CHST13: variants seen among roughly 807,000 people sequenced by gnomAD.
CHST13 encodes the protein carbohydrate sulfotransferase 13.
In CHST13, 1 loss-of-function variant was observed where a neutral mutation model predicts 7.0. The observed-to-expected ratio is 0.14, with a 90% CI of 0.05 to 0.68. CHST13 has a LOEUF of 0.68. Among genes scored for constraint, CHST13 ranks in the 30% least tolerant of loss-of-function variants. The probability of loss-of-function intolerance (pLI) is 0.82; values close to 1 mark genes in which losing one functional copy is unlikely to be tolerated. For missense variants in CHST13, 572 were observed against 507.9 expected, an observed-to-expected ratio of 1.13 and a Z score of -1.21; for synonymous variants, 257 against 240.9, an observed-to-expected ratio of 1.07 and a Z score of -0.62.
At position 126,542,268 on chromosome 3, in the gene CHST13, G is replaced by T; in HGVS notation, c.716G>T (p.Arg239Leu). 3 of 1,558,758 alleles carry T rather than the reference G, an allele frequency of 1.9e-6. No individual in the cohort carries two copies. The highest frequency in any genetic ancestry group is 2.6e-6 in the Non-Finnish European group (3 of 1,158,540). Reference protein sequence around the residue: ...LAYLLDPRTRREEPFNEHWER... With the variant: ...LAYLLDPRTRLEEPFNEHWER... ...TACCTGCTGGACCCGCGCACGCGGCGTGAGGAGCCCTTCAACGAGCACTGG... is the reference window on the plus strand; with the variant it reads ...TACCTGCTGGACCCGCGCACGCGGCTTGAGGAGCCCTTCAACGAGCACTGG... The change falls in exon 3 of 3, where the codon CGT (arginine) becomes CTT (leucine). Residue 239 changes from arginine to leucine, a missense_variant. Transcript: ENST00000319340.
intron 1 of CHST13, among the ~76,000 whole-genome samples, chr3:126,524,690 G>C (rs1410745599): frequency 1.3e-5 from 2 of 152,192 alleles, no homozygotes; most frequent in Non-Finnish European, 2.9e-5. Context: ...GGTGCCTGGA[G>C]ACCGGGGTCA....
intron 2 of CHST13, among the ~76,000 whole-genome samples, chr3:126,539,266 C>T (rs1268348665): frequency 1.3e-5 from 2 of 152,112 alleles, no homozygotes; most frequent in African/African-American, 4.8e-5. Context: ...AATAATAAGT[C>T]TCCCTCCACC....
At chr3:126,540,367 G>T (rs1936932729) in intron 2 of CHST13, among the ~76,000 whole-genome samples, 1 of 152,058 alleles carries the variant, frequency 6.6e-6, no homozygotes, top group South Asian at 2.1e-4. Context: ...TCCATCAGCA[G>T]CCCAGTGTCC....
At chr3:126,538,239 G>C (rs1936840132) in intron 2 of CHST13, among the ~76,000 whole-genome samples, 1 of 152,246 alleles carries the variant, frequency 6.6e-6, no homozygotes, top group African/African-American at 2.4e-5. Context: ...GCAGCAGCCA[G>C]CTGCCCACCA....
intron 1 of CHST13, among the ~76,000 whole-genome samples, chr3:126,528,521 G>C (rs970607239): frequency 8.5e-5 from 13 of 152,178 alleles, no homozygotes; most frequent in Admixed American, 7.8e-4. Flanking sequence ...TGGGTTTAGA[G>C]ATCACCAAGG....
chr3:126,536,788 G>A (rs1315360812), intron 2 of CHST13, among the ~76,000 whole-genome samples: 1 of 151,312 alleles, frequency 6.6e-6, no homozygotes, highest in Non-Finnish European at 1.5e-5. Context: ...CTTCAGCTGG[G>A]GGCCTGCAGG....
rs776529195 is a variant in CHST13 at position 126,542,260 on chromosome 3, C to G, written c.708C>G (p.Arg236=). 1 of 1,551,694 alleles carries G rather than the reference C, an allele frequency of 6.4e-7. No homozygotes were observed. Among genetic ancestry groups the G allele is most frequent in the Non-Finnish European group, 8.7e-7 (1 of 1,155,556 alleles). ...AEFLAYLLDP[R]TRREEPFNEH... ...TCCTGGCCTACCTGCTGGACCCGCGCACGCGGCGTGAGGAGCCCTTCAACG... is the reference window on the plus strand; with the variant it reads ...TCCTGGCCTACCTGCTGGACCCGCGGACGCGGCGTGAGGAGCCCTTCAACG... Residue 236 remains arginine, a synonymous_variant, in exon 3 of 3, where the codon CGC becomes CGG. Coordinates refer to ENST00000319340, the MANE Select transcript of CHST13 (RefSeq NM_152889.3).
In CHST13 at chr3:126,542,120, C is replaced by G. The variant is rs1287859275; in HGVS notation, c.568C>G (p.Arg190Gly). 20 of 1,576,708 alleles carry G rather than the reference C, an allele frequency of 1.3e-5. No individual in the cohort carries two copies. The highest frequency in any genetic ancestry group is 1.5e-5 in the Non-Finnish European group (18 of 1,166,062). The change falls in exon 3 of 3, where the codon CGC (arginine) becomes GGC (glycine). Residue 190 changes from arginine (R) to glycine (G), a missense_variant. By Grantham distance (125) the Arg-to-Gly change is moderately radical. Coordinates refer to ENST00000319340, the MANE Select transcript of CHST13 (RefSeq NM_152889.3). ...LASAYRNKLA[R>G]PYSAAFQRRY... ...ATCGGCTTACCGCAACAAGCTCGCG[C>G]GCCCCTACAGCGCCGCCTTCCAGAG...
chr3:126,542,662 A>C lies in CHST13; in HGVS notation c.*84A>C. 1 of 1,377,176 alleles carries C rather than the reference A, an allele frequency of 7.3e-7. No individual in the cohort carries two copies. Among genetic ancestry groups the C allele is most frequent in the Non-Finnish European group, 9.4e-7 (1 of 1,064,492 alleles). The allele number at this position is 1,377,176 out of a possible 1,614,324, so 85.3% of individuals were successfully genotyped here. Reference sequence around the variant, plus strand: ...GAATGCAGGTGCTGCCGGCCCCAGGACCCCTCTTCAAGAGCCACTGCGTGC... The same window carrying C: ...GAATGCAGGTGCTGCCGGCCCCAGGCCCCCTCTTCAAGAGCCACTGCGTGC... On this transcript the variant is annotated 3_prime_UTR_variant, in exon 3 of 3. Coordinates refer to ENST00000319340, the MANE Select transcript of CHST13 (RefSeq NM_152889.3).
intron 1 of CHST13, among the ~76,000 whole-genome samples, chr3:126,524,772 G>A (rs1203137014): frequency 6.6e-6 from 1 of 152,166 alleles, no homozygotes; most frequent in East Asian, 1.9e-4. Context: ...CTTCCCCTGC[G>A]CACCCCACGG....
Position 126,542,275 on chromosome 3 carries a change from G to T in CHST13, c.723G>T (p.Glu241Asp). Residue 241 changes from glutamate to aspartate, a missense_variant, in exon 3 of 3, where the codon GAG becomes GAT. Transcript: ENST00000319340. ...TGGACCCGCGCACGCGGCGTGAGGA[G>T]CCCTTCAACGAGCACTGGGAGCGCG... is the stretch of plus-strand genomic sequence containing the variant. ...YLLDPRTRREEPFNEHWERAH... is the reference protein window; with the variant it reads ...YLLDPRTRREDPFNEHWERAH... 1 of 1,562,492 alleles carries T rather than the reference G, an allele frequency of 6.4e-7. No individual in the cohort carries two copies.
chr3:126,526,794 C>G (rs1234266685), intron 1 of CHST13, among the ~76,000 whole-genome samples: 1 of 152,230 alleles, frequency 6.6e-6, no homozygotes, highest in Non-Finnish European at 1.5e-5. Flanking sequence ...CATCACCCCA[C>G]CCTCATCCCC....
In CHST13 at chr3:126,541,847, G is replaced by A; in HGVS notation, c.295G>A (p.Val99Met). 1 of 1,583,052 alleles carries A rather than the reference G, an allele frequency of 6.3e-7. No homozygotes were observed. Among genetic ancestry groups the A allele is most frequent in the Non-Finnish European group, 8.6e-7 (1 of 1,165,308 alleles). The change falls in exon 3 of 3, where the codon GTG (valine) becomes ATG (methionine). Residue 99 changes from valine (V) to methionine (M), a missense_variant. Transcript: ENST00000319340. The part of the protein sequence containing the change: ...RLLQPEDLRH[V>M]LVDDAHGLLY... ...GCTACAGCCGGAGGACCTGCGGCAC[G>A]TGCTGGTGGACGACGCGCATGGCCT... is the stretch of plus-strand genomic sequence containing the variant.
chr3:126,529,278 T>C (rs1936599331), intron 1 of CHST13: 1 of 1,269,656 alleles, frequency 7.9e-7, no homozygotes, highest in Admixed American at 2.3e-5. Context: ...GCGGGTGTCC[T>C]GTGTGCAGCA....
At chr3:126,531,566 G>A (rs544548868) in intron 1 of CHST13, among the ~76,000 whole-genome samples, 1 of 152,284 alleles carries the variant, frequency 6.6e-6, no homozygotes, top group Admixed American at 6.5e-5. Context: ...TCGTGTCTTA[G>A]CTGGCCTTTT....
chr3:126,529,249 G>T, intron 1 of CHST13: 1 of 1,137,894 alleles, frequency 8.8e-7, no homozygotes, highest in Non-Finnish European at 1.2e-6. Flanking sequence ...GGCAGAGGAG[G>T]CCTTGCAACA....
At chr3:126,535,061 C>T (rs1435938285) in intron 1 of CHST13, among the ~76,000 whole-genome samples, 1 of 46,246 alleles carries the variant, frequency 2.2e-5, no homozygotes, top group African/African-American at 8.5e-5. Flanking sequence ...AGCCGGGAGA[C>T]AGACAGACAG....
intron 1 of CHST13, chr3:126,529,520 G>T: frequency 3.4e-6 from 2 of 590,092 alleles, no homozygotes; most frequent in Non-Finnish European, 5.1e-6. Context: ...GAGGCCTCGG[G>T]CAAGTTTCTT....
intron 2 of CHST13, among the ~76,000 whole-genome samples, chr3:126,541,026 G>C (rs776544260): frequency 1.3e-5 from 2 of 152,232 alleles, no homozygotes; most frequent in Non-Finnish European, 2.9e-5. Flanking sequence ...GAAGAAAGGG[G>C]AGCTGGAAGC....
Sources: allele counts gnomAD v4.1 joint callset (sites outside exome capture counted in the v4.1 genomes callset), GRCh38; gene constraint gnomAD v4.1.1; transcripts MANE v1.5; gene names NCBI Gene and HGNC (gene_info 2026-07-23, HGNC 2026-07-21).